The following CCDC60 variants were observed in gnomAD, a reference collection of about 807,000 sequenced individuals.
The protein encoded by CCDC60 is coiled-coil domain-containing protein 60.
A neutral mutation model predicts 63.5 loss-of-function variants in CCDC60; 54 were observed. The ratio of observed to expected loss-of-function variants is 0.85; its 90% CI spans 0.68 to 1.07. CCDC60 has a LOEUF of 1.07. CCDC60 is among the 50% of genes least tolerant of loss of function. The pLI, the probability that CCDC60 is intolerant of heterozygous loss-of-function variation, is 0.00. For missense variants in CCDC60, 651 were observed against 684.3 expected, an observed-to-expected ratio of 0.95 and a Z score of 0.54; for synonymous variants, 206 against 238.8, an observed-to-expected ratio of 0.86 and a Z score of 1.27.
intron 1 of CCDC60, among the ~76,000 whole-genome samples, chr12:119,383,974 A>G (rs1593006550): frequency 1.3e-5 from 2 of 152,178 alleles, no homozygotes; most frequent in Non-Finnish European, 2.9e-5. Context: ...AGGCGGGCGG[A>G]TCACGAGGTC....
At chr12:119,414,477 A>G (rs1382783675) in intron 1 of CCDC60, among the ~76,000 whole-genome samples, 1 of 152,230 alleles carries the variant, frequency 6.6e-6, no homozygotes, top group Non-Finnish European at 1.5e-5. Flanking sequence ...AAGGATGGGA[A>G]GACTGAATTT....
intron 13 of CCDC60, among the ~76,000 whole-genome samples, chr12:119,535,513 T>C (rs1466790200): frequency 1.3e-5 from 2 of 152,160 alleles, no homozygotes; most frequent in African/African-American, 4.8e-5. Context: ...GTTAGGGTGT[T>C]GATTTTAGAT....
intron 2 of CCDC60, among the ~76,000 whole-genome samples, chr12:119,450,938 G>A (rs1274164233): frequency 6.6e-6 from 1 of 152,104 alleles, no homozygotes; most frequent in African/African-American, 2.4e-5. Context: ...TGCAGAGTCT[G>A]GAAAGGGTGT....
At chr12:119,361,342 G>A (rs1955789454) in intron 1 of CCDC60, among the ~76,000 whole-genome samples, 1 of 152,068 alleles carries the variant, frequency 6.6e-6, no homozygotes, top group Non-Finnish European at 1.5e-5. Flanking sequence ...AAACTCTAAG[G>A]TTTCAGGCAT....
chr12:119,474,329 C>G (rs1951131289), intron 3 of CCDC60, among the ~76,000 whole-genome samples: 2 of 152,144 alleles, frequency 1.3e-5, no homozygotes, highest in African/African-American at 4.8e-5. Context: ...AAATGGAAGC[C>G]ACGACAGATA....
chr12:119,500,363 G>C (rs1844155076), intron 6 of CCDC60, among the ~76,000 whole-genome samples, 195 bp downstream of exon 6: 1 of 152,200 alleles, frequency 6.6e-6, no homozygotes, highest in Middle Eastern at 3.4e-3. Context: ...GATTATAGGA[G>C]AAATGACATT....
chr12:119,512,873 G>GGGAT (rs1165439387), intron 7 of CCDC60, among the ~76,000 whole-genome samples: 2 of 152,118 alleles, frequency 1.3e-5, no homozygotes, highest in African/African-American at 4.8e-5. Flanking sequence ...CTTAGTTCCT[G>GGGAT]GGATTATTTA....
At chr12:119,363,093 C>T (rs1055409741) in intron 1 of CCDC60, among the ~76,000 whole-genome samples, 5 of 152,108 alleles carry the variant, frequency 3.3e-5, no homozygotes, top group Non-Finnish European at 5.9e-5. Flanking sequence ...GCCAGTCTCC[C>T]TCTCAAAAAT....
At chr12:119,501,768 G>A (rs1307800538) in intron 6 of CCDC60, among the ~76,000 whole-genome samples, 1 of 152,184 alleles carries the variant, frequency 6.6e-6, no homozygotes, top group Non-Finnish European at 1.5e-5. Context: ...AGGGGAGGGG[G>A]AGAATGAATA....
intron 2 of CCDC60, among the ~76,000 whole-genome samples, chr12:119,459,004 G>T (rs784853): frequency 0.89 from 135,515 of 152,188 alleles, 60,728 homozygotes; most frequent in East Asian, 1. Flanking sequence ...TCCGTCGGCC[G>T]CCCAAAGTGA....
chr12:119,528,541 C>A, intron 11 of CCDC60, 74 bp from the exon 12 acceptor site: 1 of 1,503,536 alleles, frequency 6.7e-7, no homozygotes, highest in Non-Finnish European at 9.0e-7. Context: ...TAAGTCAGAT[C>A]TCAAAGGGCA....
chr12:119,470,533 A>C (rs1951036494), intron 2 of CCDC60, among the ~76,000 whole-genome samples: 1 of 152,226 alleles, frequency 6.6e-6, no homozygotes, highest in South Asian at 2.1e-4. Context: ...CATTTGTAAG[A>C]GTCCCCCGAT....
intron 5 of CCDC60, among the ~76,000 whole-genome samples, chr12:119,489,893 G>A (rs1951544201): frequency 6.6e-6 from 1 of 151,762 alleles, no homozygotes; most frequent in African/African-American, 2.4e-5. Flanking sequence ...CATCTCCCGG[G>A]TTCAAGCGAT....
At chr12:119,425,145 A>G (rs1185395695) in intron 1 of CCDC60, among the ~76,000 whole-genome samples, 1 of 152,196 alleles carries the variant, frequency 6.6e-6, no homozygotes, top group Non-Finnish European at 1.5e-5. Flanking sequence ...TGTGTTTTCA[A>G]ATTATCTGGC....
At chr12:119,441,826 CA>C (rs1173774164) in intron 2 of CCDC60, among the ~76,000 whole-genome samples, 3 of 152,144 alleles carry the variant, frequency 2.0e-5, no homozygotes, top group Non-Finnish European at 2.9e-5. Context: ...ACTTTAAAGC[CA>C]TTATGAATAA....
At chr12:119,359,004 TTTA>T (rs143852631) in intron 1 of CCDC60, among the ~76,000 whole-genome samples, 1,743 of 152,316 alleles carry the variant, frequency 0.011, 30 homozygotes, top group African/African-American at 0.04. Context: ...CCTTATAAGC[TTTA>T]TATGCTGCCA....
At chr12:119,430,080 T>C (rs1189019583) in intron 2 of CCDC60, among the ~76,000 whole-genome samples, 1 of 152,120 alleles carries the variant, frequency 6.6e-6, no homozygotes, top group African/African-American at 2.4e-5. Context: ...AGATCTGGGA[T>C]GTATTTCATA....
At chr12:119,451,652 G>A (rs1051122399) in intron 2 of CCDC60, among the ~76,000 whole-genome samples, 1 of 152,076 alleles carries the variant, frequency 6.6e-6, no homozygotes, top group Non-Finnish European at 1.5e-5. Context: ...ATTCTTTGGC[G>A]GCAAAGTCCA....
intron 1 of CCDC60, among the ~76,000 whole-genome samples, chr12:119,337,822 ATT>A (rs1442974513): frequency 4.9e-5 from 5 of 101,808 alleles, no homozygotes; most frequent in Admixed American, 2.0e-4. Flanking sequence ...GTGTGTGTGT[ATT>A]TGTGTGTGTG....
Sources: gnomAD v4.1 joint callset for allele counts (sites outside exome capture counted in the v4.1 genomes callset) on GRCh38, gnomAD v4.1.1 for gene constraint, MANE v1.5 for transcripts, NCBI Gene and HGNC (gene_info 2026-07-23, HGNC 2026-07-21) for gene names.